The following SLC4A10 variants were observed in gnomAD, a reference collection of about 807,000 sequenced individuals.
SLC4A10 encodes the protein solute carrier family 4 member 10, also known as sodium-driven chloride bicarbonate exchanger.
SLC4A10 carries 42 observed loss-of-function variants against 137.7 expected under a neutral mutation model. The ratio of observed to expected loss-of-function variants is 0.30; its 90% CI spans 0.24 to 0.39. The LOEUF (loss-of-function observed/expected upper bound fraction) is 0.39. Among genes scored for constraint, SLC4A10 ranks in the 10% least tolerant of loss-of-function variants. SLC4A10 has a pLI of 1.00. For missense variants in SLC4A10, 925 were observed against 1,355.0 expected (o/e 0.68, Z 4.98); for synonymous variants, 474 against 464.1 (o/e 1.02, Z -0.27).
At position 161,983,149 on chromosome 2, in the gene SLC4A10, A is replaced by G; in HGVS notation, c.*27-30A>G. On this transcript the variant is annotated intron_variant, in intron 26 of 26. Transcript: ENST00000446997. ...CATAGTAGCCATGCTGGATTGCAGTAATAAATGTGTCCTTTTTTTCCTTCT... is the reference window on the plus strand; with the variant it reads ...CATAGTAGCCATGCTGGATTGCAGTGATAAATGTGTCCTTTTTTTCCTTCT... 2.6e-6 allele frequency: 4 copies of G among 1,534,242 alleles called. No homozygotes were observed. The South Asian group carries it at 4.8e-5, about 18-fold the overall frequency.
intron 3 of SLC4A10, among the ~76,000 whole-genome samples, chr2:161,808,495 G>A (rs2056225496): frequency 6.6e-6 from 1 of 152,054 alleles, no homozygotes; most frequent in South Asian, 2.1e-4. Flanking sequence ...TGATGCTGGG[G>A]TTTGGGATAT....
intron 1 of SLC4A10, among the ~76,000 whole-genome samples, chr2:161,674,596 T>C (rs1574271646): frequency 6.6e-6 from 1 of 152,294 alleles, no homozygotes; most frequent in East Asian, 1.9e-4. Context: ...TCACCTGAAA[T>C]TATATCACAA....
intron 1 of SLC4A10, among the ~76,000 whole-genome samples, chr2:161,629,016 G>A (rs1405522461): frequency 6.6e-6 from 1 of 151,890 alleles, no homozygotes; most frequent in Non-Finnish European, 1.5e-5. Context: ...CTTGAATGAT[G>A]GTTGCTTCAG....
intron 7 of SLC4A10, 122 bp downstream of exon 7, chr2:161,872,506 A>G: frequency 1.7e-6 from 1 of 603,950 alleles, no homozygotes; most frequent in South Asian, 2.4e-5. Context: ...AAAGCTTGAT[A>G]TTGTTACAGA....
At chr2:161,770,549 A>T (rs1176393129) in intron 1 of SLC4A10, among the ~76,000 whole-genome samples, 1 of 151,900 alleles carries the variant, frequency 6.6e-6, no homozygotes, top group Non-Finnish European at 1.5e-5. Context: ...ATGACAGTGG[A>T]ATTATTTTAC....
intron 23 of SLC4A10, among the ~76,000 whole-genome samples, chr2:161,970,679 C>T (rs544993221): frequency 4.3e-4 from 65 of 152,250 alleles, no homozygotes; most frequent in African/African-American, 1.5e-3. Flanking sequence ...CACACTTTGC[C>T]TGAAAATGGA....
At chr2:161,815,671 C>A (rs1372881344) in intron 3 of SLC4A10, among the ~76,000 whole-genome samples, 1 of 152,132 alleles carries the variant, frequency 6.6e-6, no homozygotes, top group South Asian at 2.1e-4. Context: ...TAGGCTTCAA[C>A]CTCAAGGATT....
chr2:161,645,215 C>T (rs908318134), intron 1 of SLC4A10, among the ~76,000 whole-genome samples: 11 of 74,116 alleles, frequency 1.5e-4, no homozygotes, highest in Admixed American at 5.4e-4. Flanking sequence ...GGAAGCAATT[C>T]GGGAATTTCC....
At chr2:161,653,446 A>G (rs2037087979) in intron 1 of SLC4A10, among the ~76,000 whole-genome samples, 1 of 152,186 alleles carries the variant, frequency 6.6e-6, no homozygotes, top group Non-Finnish European at 1.5e-5. Flanking sequence ...CAATGGTTGA[A>G]CTAATTTACA....
intron 15 of SLC4A10, among the ~76,000 whole-genome samples, chr2:161,940,012 C>T (rs1303249225): frequency 6.6e-6 from 1 of 152,080 alleles, no homozygotes; most frequent in East Asian, 1.9e-4. Context: ...GACCCTCTCC[C>T]CAGTGAAACA....
chr2:161,909,082 T>G (rs1685177876), intron 15 of SLC4A10, among the ~76,000 whole-genome samples: 2 of 65,134 alleles, frequency 3.1e-5, no homozygotes, highest in Non-Finnish European at 2.8e-5. Context: ...GGGACTGTTG[T>G]GGGGTGGGGG....
chr2:161,786,435 G>C (rs1318191562), intron 2 of SLC4A10, among the ~76,000 whole-genome samples: 1 of 151,712 alleles, frequency 6.6e-6, no homozygotes, highest in Non-Finnish European at 1.5e-5. Flanking sequence ...GACATGTGAA[G>C]TTTTGTTCCA....
intron 1 of SLC4A10, among the ~76,000 whole-genome samples, chr2:161,711,947 C>T (rs2044336666): frequency 6.6e-6 from 1 of 151,818 alleles, no homozygotes; most frequent in East Asian, 1.9e-4. Flanking sequence ...TTATTGTCAA[C>T]ATCCTTTGTC....
rs117459145 is a variant in SLC4A10, at chr2:161,749,172, C to G, written c.49-21801C>G. On this transcript the variant is annotated intron_variant, in intron 1 of 26. Coordinates refer to ENST00000446997, the MANE Select transcript of SLC4A10 (RefSeq NM_001178015.2). The stretch of plus-strand genomic sequence containing the variant: ...TTTCATTTAGTCATTCTAATAGTTT[C>G]ATGCTGTGGATTCTTTAGGGTTTTT... 3.1e-4 allele frequency among the ~76,000 whole-genome samples: 47 copies of G among 151,996 alleles called. 1 individual carries two copies. In the East Asian group the frequency reaches 8.5e-3, roughly 27 times the overall value.
intron 3 of SLC4A10, among the ~76,000 whole-genome samples, chr2:161,821,203 ATTGTGGG>A (rs1200156481): frequency 6.6e-6 from 1 of 152,126 alleles, no homozygotes; most frequent in Non-Finnish European, 1.5e-5. Context: ...TCTTCTCACT[ATTGTGGG>A]TTCTGATTTC....
intron 6 of SLC4A10, among the ~76,000 whole-genome samples, chr2:161,865,029 A>G (rs1231968858): frequency 6.6e-6 from 1 of 152,184 alleles, no homozygotes; most frequent in Non-Finnish European, 1.5e-5. Flanking sequence ...TTTTGCTAGA[A>G]ATCAGATAAG....
At chr2:161,652,155 C>T (rs559856062) in intron 1 of SLC4A10, among the ~76,000 whole-genome samples, 1 of 152,162 alleles carries the variant, frequency 6.6e-6, no homozygotes, top group East Asian at 1.9e-4. Flanking sequence ...AGCTCCACCT[C>T]CAGGAAGAGA....
intron 1 of SLC4A10, among the ~76,000 whole-genome samples, chr2:161,693,668 ACT>A (rs2042216034): frequency 8.3e-6 from 1 of 121,144 alleles, no homozygotes; most frequent in Non-Finnish European, 1.7e-5. Context: ...TACAAATTCG[ACT>A]TTTTTTTTTT....
At chr2:161,812,308 G>A (rs758003484) in intron 3 of SLC4A10, among the ~76,000 whole-genome samples, 59 of 151,960 alleles carry the variant, frequency 3.9e-4, no homozygotes, top group Non-Finnish European at 6.5e-4. Context: ...ATCTCTTTGT[G>A]AAGACTTTCT....
Sources: allele counts gnomAD v4.1 joint callset (sites outside exome capture counted in the v4.1 genomes callset), GRCh38; gene constraint gnomAD v4.1.1; transcripts MANE v1.5; gene names NCBI Gene and HGNC (gene_info 2026-07-23, HGNC 2026-07-21).